Variants in HMG20B observed in about 807,000 individuals in gnomAD.
HMG20B encodes high mobility group 20B.
Under a neutral mutation model 41.6 loss-of-function variants are expected in HMG20B, and 24 were observed. That is an observed-to-expected ratio of 0.58 (90% CI 0.42 to 0.81). The LOEUF is 0.81. Ranked by LOEUF, HMG20B falls within the 30% of genes least tolerant of loss-of-function variation. The pLI, the probability that HMG20B is intolerant of heterozygous loss-of-function variation, is 0.00. For synonymous variants in HMG20B, 251 were observed against 186.6 expected, an observed-to-expected ratio of 1.34 and a Z score of -2.81; for missense variants, 461 against 444.0, an observed-to-expected ratio of 1.04 and a Z score of -0.34.
At chr19:3,577,896 C>A in intron 8 of HMG20B, 85 bp from the exon 9 acceptor site, 1 of 1,314,330 alleles carries the variant, frequency 7.6e-7, no homozygotes, top group Non-Finnish European at 1.0e-6. Flanking sequence ...GCGACCCGCC[C>A]TGAGTCACCC....
chr19:3,575,517 A>G (rs367632398), intron 4 of HMG20B, 23 bp from the exon 5 acceptor site: 33 of 1,560,928 alleles, frequency 2.1e-5, no homozygotes, highest in Admixed American at 9.6e-5. Context: ...CCCTGCTTCA[A>G]GCCTTCTGGT....
Position 3,573,330 on chromosome 19 carries a change from G to A in HMG20B, c.21G>A (p.Gln7=), listed in dbSNP as rs577326307. MSHGPK[Q]PGAAAAPAGG... is the part of the protein sequence containing the mutation. ...CGGCCATGTCCCACGGCCCCAAGCA[G>A]CCCGGCGCGGCCGCCGCGTGAGTGC... The change falls in exon 2 of 10, where the codon CAG becomes CAA. Residue 7 remains glutamine, a synonymous_variant. Transcript: ENST00000333651. The A allele has an allele frequency of 9.5e-5, 146 of 1,534,142 alleles. 2 individuals carry two copies. The East Asian group carries it at 3.4e-3, about 35-fold the overall frequency.
chr19:3,574,349 G>GC (rs1000213489), intron 3 of HMG20B, 34 bp from the exon 4 acceptor site: 4 of 1,549,092 alleles, frequency 2.6e-6, no homozygotes, highest in Admixed American at 1.9e-5. Context: ...AGTACGCCAG[G>GC]CCCCCCTCCC....
chr19:3,575,518 G>A, intron 4 of HMG20B, 22 bp from the exon 5 acceptor site: 1 of 1,561,012 alleles, frequency 6.4e-7, no homozygotes. Flanking sequence ...CCTGCTTCAA[G>A]CCTTCTGGTG....
chr19:3,578,488 G>A (rs772901504), intron 9 of HMG20B, 21 bp from the exon 10 acceptor site: 3 of 1,527,558 alleles, frequency 2.0e-6, no homozygotes, highest in Non-Finnish European at 2.6e-6. Context: ...CCTCATCCCG[G>A]GCCCTCCTCT....
chr19:3,578,073 C>G lies in HMG20B; in HGVS notation c.901C>G (p.Leu301Val), dbSNP rs2032211409. Residue 301 changes from leucine to valine, a missense_variant, in exon 9 of 10, where the codon CTC becomes GTC. By Grantham distance (32) the Leu-to-Val change is conservative. Coordinates refer to ENST00000333651, the MANE Select transcript of HMG20B (RefSeq NM_006339.3). ...IERDPAQHEK[L>V]IVRIKEILAQ... ...GCGCGACCCCGCCCAGCACGAGAAG[C>G]TCATCGTCCGCATCAAGGAAATCCT... The G allele has an allele frequency of 6.2e-7, 1 of 1,611,388 alleles. No individual in the cohort carries two copies.
intron 2 of HMG20B, 138 bp from the exon 3 acceptor site, chr19:3,573,554 A>ACC: frequency 1.1e-6 from 1 of 898,590 alleles, no homozygotes; most frequent in Non-Finnish European, 1.6e-6. Flanking sequence ...CCGGATACTG[A>ACC]CCCCATCAGA....
At position 3,575,551 on chromosome 19, in the gene HMG20B, T is replaced by C; in HGVS notation, c.363T>C (p.Asp121=). 6.4e-7 allele frequency: 1 copy of C among 1,562,866 alleles called. No homozygotes were observed. Among genetic ancestry groups the C allele is most frequent in the Admixed American group, 1.9e-5 (1 of 52,384 alleles). The change falls in exon 5 of 10, where the codon GAT becomes GAC. Residue 121 remains aspartate, a synonymous_variant. Transcript: ENST00000333651. ...LQPTEKQRYL[D]EAEREKQQYM... ...GTGCTGCCCCCCAGCGGTACCTGGA[T>C]GAGGCCGAGAGAGAGAAGCAGCAGT... is the stretch of plus-strand genomic sequence containing the variant.
Position 3,573,688 on chromosome 19 carries a change from C to A in HMG20B, c.39-4C>A, listed in dbSNP as rs199917043. ...GGGGCTGACCGCGGTATCCTTGGCT[C>A]CAGGCCGGCGGGCGGCAAGGCTCCG... is the stretch of plus-strand genomic sequence containing the variant. On this transcript the variant is annotated splice_polypyrimidine_tract_variant and splice_region_variant and intron_variant, in intron 2 of 9. Coordinates refer to ENST00000333651, the MANE Select transcript of HMG20B (RefSeq NM_006339.3). The A allele has an allele frequency of 2.7e-6, 4 of 1,501,726 alleles. No individual in the cohort carries two copies. Among genetic ancestry groups the A allele is most frequent in the African/African-American group, 2.8e-5 (2 of 70,448 alleles). 93.0% of individuals were successfully genotyped at this position (1,501,726 alleles called of 1,614,324 possible). A position where few individuals can be genotyped will look rare whatever the true frequency, so the allele number is the denominator to read the frequency against.
chr19:3,576,111 G>C, intron 5 of HMG20B, 150 bp from the exon 6 acceptor site: 1 of 675,524 alleles, frequency 1.5e-6, no homozygotes, highest in Non-Finnish European at 2.6e-6. Context: ...CAGGAGTGAA[G>C]GGGGCTCACT....
At position 3,574,513 on chromosome 19, in the gene HMG20B, C is replaced by T; in HGVS notation, c.278C>T (p.Pro93Leu). ...CGCGAGCAGATCCGCACGCGCCACCCGGATCTGCCCTTTCCCGAGATCACC... is the reference window on the plus strand; with the variant it reads ...CGCGAGCAGATCCGCACGCGCCACCTGGATCTGCCCTTTCCCGAGATCACC... ...ERREQIRTRH[P>L]DLPFPEITKM... Residue 93 changes from proline to leucine, a missense_variant, in exon 4 of 10, where the codon CCG becomes CTG. Transcript: ENST00000333651. 6.2e-7 allele frequency: 1 copy of T among 1,605,594 alleles called. No homozygotes were observed. Among genetic ancestry groups the T allele is most frequent in the Non-Finnish European group, 8.5e-7 (1 of 1,177,200 alleles).
In HMG20B at chr19:3,577,075, T is replaced by G. The variant is rs2032179387; in HGVS notation, c.776T>G (p.Leu259Arg). The G allele has an allele frequency of 6.5e-7, 1 of 1,540,858 alleles. No individual in the cohort carries two copies. Among genetic ancestry groups the G allele is most frequent in the Admixed American group, 2.0e-5 (1 of 50,826 alleles). Residue 259 changes from leucine to arginine, a missense_variant, in exon 8 of 10, where the codon CTC (leucine) becomes CGC (arginine). Around this residue, in one of 3 missense-constraint regions of HMG20B, gnomAD observed 308 missense variants for 283.4 expected, o/e 1.09. Coordinates refer to ENST00000333651, the MANE Select transcript of HMG20B (RefSeq NM_006339.3). ...CAGCTCCAGGCCGTGCGCCAGGCGC[T>G]CACCGCCAGCTTCGCCTCACTGCCG... ...QQQLQAVRQA[L>R]TASFASLPVP...
chr19:3,574,128 C>T (rs1232836972), intron 3 of HMG20B: 7 of 621,894 alleles, frequency 1.1e-5, no homozygotes, highest in Non-Finnish European at 1.4e-5. Context: ...ACGCCCACAA[C>T]CGAAGTCAAC....
Position 3,578,061 on chromosome 19 carries a change from C to T in HMG20B, c.889C>T (p.Gln297Ter). ...CGGAGCCATCGAGCGCGACCCCGCC[C>T]AGCACGAGAAGCTCATCGTCCGCAT... The part of the protein sequence containing the change: ...LHGAIERDPA[Q>*]HEKLIVRIKE... Residue 297 changes from glutamine (Q) to a stop codon, truncating the protein, a stop_gained, in exon 9 of 10, where the codon CAG (glutamine) becomes TAG (stop). Coordinates refer to ENST00000333651, the MANE Select transcript of HMG20B (RefSeq NM_006339.3). LOFTEE classifies it high-confidence loss of function. 6.2e-7 allele frequency: 1 copy of T among 1,611,368 alleles called. No individual in the cohort carries two copies. The highest frequency in any genetic ancestry group is 1.1e-5 in the South Asian group (1 of 91,058).
intron 3 of HMG20B, 112 bp downstream of exon 3, chr19:3,573,912 C>T (rs1266934959): frequency 5.7e-6 from 6 of 1,046,918 alleles, no homozygotes; most frequent in Admixed American, 2.0e-5. Flanking sequence ...GCCCATTTTC[C>T]TCTGGAAGCT....
chr19:3,576,972 C>G lies in HMG20B; in HGVS notation c.673C>G (p.Gln225Glu). Residue 225 changes from glutamine (Q) to glutamate (E), a missense_variant, in exon 8 of 10, where the codon CAG becomes GAG. Transcript: ENST00000333651. ...EQNAVLQRHTQSMSSARERLE... is the reference protein window; with the variant it reads ...EQNAVLQRHTESMSSARERLE... ...GAACGCGGTACTGCAGAGGCACACG[C>G]AGAGCATGAGCAGCGCGCGCGAGCG... 2 of 1,578,180 alleles carry G rather than the reference C, an allele frequency of 1.3e-6. No individual in the cohort carries two copies. The highest frequency in any genetic ancestry group is 1.3e-5 in the African/African-American group (1 of 74,274).
At chr19:3,577,171 C>CCCTCCCT in intron 8 of HMG20B, 64 bp downstream of exon 8, 1 of 1,142,236 alleles carries the variant, frequency 8.8e-7, no homozygotes, top group Admixed American at 3.0e-5. Context: ...CTCCCCCCCC[C>CCCTCCCT]TCCTCCCTTC....
intron 2 of HMG20B, 125 bp downstream of exon 2, chr19:3,573,472 C>A: frequency 9.1e-7 from 1 of 1,093,960 alleles, no homozygotes; most frequent in Non-Finnish European, 1.3e-6. Flanking sequence ...GGGGGCTTCT[C>A]CCTCCACCCA....
rs1286319922 is a variant in HMG20B, at chr19:3,573,724, G to T, written c.71G>T (p.Gly24Val). 6.5e-7 allele frequency: 1 copy of T among 1,527,328 alleles called. No homozygotes were observed. Among genetic ancestry groups the T allele is most frequent in the Non-Finnish European group, 8.8e-7 (1 of 1,141,740 alleles). The allele number at this position is 1,527,328 out of a possible 1,614,324, so 94.6% of individuals were successfully genotyped here. The change falls in exon 3 of 10, where the codon GGG becomes GTG. Residue 24 changes from glycine (G) to valine (V), a missense_variant. By Grantham distance (109) the Gly-to-Val change is moderately radical. Coordinates refer to ENST00000333651, the MANE Select transcript of HMG20B (RefSeq NM_006339.3). ...PAGGKAPGQH[G>V]GFVVTVKQER... is the part of the protein sequence containing the mutation. Reference sequence around the variant, plus strand: ...GGCGGCAAGGCTCCGGGCCAGCATGGGGGCTTCGTGGTGACTGTCAAGCAA... The same window carrying T: ...GGCGGCAAGGCTCCGGGCCAGCATGTGGGCTTCGTGGTGACTGTCAAGCAA...
Sources: gnomAD v4.1 joint callset for allele counts on GRCh38, gnomAD v4.1.1 for gene constraint, gnomAD v4.1.1 regional missense constraint, MANE v1.5 for transcripts, NCBI Gene and HGNC (gene_info 2026-07-23, HGNC 2026-07-21) for gene names.